Variants in APOBEC1 observed in about 807,000 individuals in gnomAD.
APOBEC1 encodes the protein C->U-editing enzyme APOBEC-1.
In APOBEC1, 22 loss-of-function variants were observed where a neutral mutation model predicts 26.3. The ratio of observed to expected loss-of-function variants is 0.84; its 90% confidence interval spans 0.60 to 1.19. The LOEUF (loss-of-function observed/expected upper bound fraction) is 1.19. Ranked by LOEUF, APOBEC1 falls within the 50% of genes most tolerant of loss-of-function variation. APOBEC1 has a pLI of 0.00. For missense variants in APOBEC1, 253 were observed against 289.0 expected (o/e 0.88, Z 0.90); for synonymous variants, 77 against 95.3 (o/e 0.81, Z 1.12).
At chr12:7,667,832 G>A (rs775786576), upstream of APOBEC1, among the ~76,000 whole-genome samples, 7 of 149,684 alleles carry the variant, frequency 4.7e-5, no homozygotes, top group South Asian at 6.3e-4. Flanking sequence ...AGAATTGCTC[G>A]AACCCAGGAG....
chr12:7,659,074 C>G lies in APOBEC1; in HGVS notation c.17-4442G>C, dbSNP rs189904904. 8.4e-3 allele frequency among the ~76,000 whole-genome samples: 1,261 copies of G among 150,014 alleles called. 18 individuals carry two copies. Among genetic ancestry groups the G allele is most frequent in the African/African-American group, 0.029 (1,172 of 41,018 alleles). On this transcript the variant is annotated intron_variant, in intron 1 of 4. Coordinates refer to ENST00000229304, the MANE Select transcript of APOBEC1 (RefSeq NM_001644.5). The stretch of plus-strand genomic sequence containing the variant: ...CTTTGGGAGGCTGAGGCAGGCAGAT[C>G]ACCTGAGGTCAGGTGTTCGAGACCA...
chr12:7,657,044 G>A (rs1863724350), intron 1 of APOBEC1, among the ~76,000 whole-genome samples: 1 of 3,698 alleles, frequency 2.7e-4, no homozygotes, highest in African/African-American at 3.9e-4. Context: ...TTGTATATAC[G>A]TGTGTGTGTG....
chr12:7,650,921 A>T, intron 4 of APOBEC1, 102 bp downstream of exon 4: 1 of 824,138 alleles, frequency 1.2e-6, no homozygotes. Flanking sequence ...AAATCTCAAT[A>T]TAAATGTCAA....
rs1157475368 is a variant in APOBEC1 at position 7,651,008 on chromosome 12, C to T, written c.561+15G>A. On this transcript the variant is annotated intron_variant, in intron 4 of 4. Coordinates refer to ENST00000229304, the MANE Select transcript of APOBEC1 (RefSeq NM_001644.5). ...TTCTTTTTGCATCAACATTTGTGTCCCTAAAGTGACTTACTAGAATTATGC... is the reference window on the plus strand; with the variant it reads ...TTCTTTTTGCATCAACATTTGTGTCTCTAAAGTGACTTACTAGAATTATGC... 2 of 1,568,162 alleles carry T rather than the reference C, an allele frequency of 1.3e-6. No homozygotes were observed. Among genetic ancestry groups the T allele is most frequent in the Non-Finnish European group, 1.8e-6 (2 of 1,141,920 alleles).
In APOBEC1 at chr12:7,651,116, A is replaced by G; in HGVS notation, c.468T>C (p.Phe156=). ...CTTCATCCCCAGGTGGGTAGTTGAC[A>G]AAATTCCTCCAGCAGTGATAATACT... ...ASEYYHCWRN[F]VNYPPGDEAH... is the part of the protein sequence containing the mutation. The change falls in exon 4 of 5, where the codon TTT becomes TTC. Residue 156 remains phenylalanine, a synonymous_variant. Transcript: ENST00000229304. 6.2e-7 allele frequency: 1 copy of G among 1,613,910 alleles called. No individual in the cohort carries two copies. The highest frequency in any genetic ancestry group is 8.5e-7 in the Non-Finnish European group (1 of 1,179,800).
chr12:7,650,758 A>G (rs1428137563), intron 4 of APOBEC1, among the ~76,000 whole-genome samples: 1 of 152,182 alleles, frequency 6.6e-6, no homozygotes, highest in East Asian at 1.9e-4. Context: ...GGATCTTGTT[A>G]TACCACGCAG....
At chr12:7,668,855 A>G (rs1164607969), upstream of APOBEC1, among the ~76,000 whole-genome samples, 1 of 152,046 alleles carries the variant, frequency 6.6e-6, no homozygotes, top group African/African-American at 2.4e-5. Context: ...CAGCCTTGCA[A>G]GAAGTAGCTG....
chr12:7,650,800 T>C (rs1167888157), intron 4 of APOBEC1, among the ~76,000 whole-genome samples: 1 of 152,202 alleles, frequency 6.6e-6, no homozygotes, highest in Non-Finnish European at 1.5e-5. Flanking sequence ...CATAGCTCAC[T>C]GCAGCTTGCA....
upstream of APOBEC1, among the ~76,000 whole-genome samples, chr12:7,667,241 G>A (rs367920810): frequency 2.0e-3 from 302 of 152,162 alleles, 3 homozygotes; most frequent in African/African-American, 6.3e-3. Context: ...CCTTGAAAAA[G>A]TAAATGCCAT....
At chr12:7,667,601 G>C (rs138477226), upstream of APOBEC1, among the ~76,000 whole-genome samples, 1,413 of 152,166 alleles carry the variant, frequency 9.3e-3, 6 homozygotes, top group Non-Finnish European at 0.015. Flanking sequence ...AGTTAGGTAA[G>C]AGTAGAATCA....
chr12:7,661,570 G>T (rs139971087), intron 1 of APOBEC1, among the ~76,000 whole-genome samples: 3 of 152,096 alleles, frequency 2.0e-5, no homozygotes, highest in African/African-American at 7.2e-5. Flanking sequence ...ACCACAACTC[G>T]AGAGGAAGGA....
At chr12:7,661,800 A>G (rs776817048) in intron 1 of APOBEC1, among the ~76,000 whole-genome samples, 3 of 152,282 alleles carry the variant, frequency 2.0e-5, no homozygotes, top group East Asian at 1.9e-4. Context: ...AAAAGCAACA[A>G]TTGCTGCTCT....
chr12:7,653,301 TCAA>T (rs1229761804), intron 2 of APOBEC1, among the ~76,000 whole-genome samples: 3 of 152,154 alleles, frequency 2.0e-5, no homozygotes, highest in African/African-American at 7.2e-5. Context: ...AGTATATGTC[TCAA>T]AGTTATCTGA....
At chr12:7,663,094 G>A (rs1863843061) in intron 1 of APOBEC1, among the ~76,000 whole-genome samples, 1 of 152,132 alleles carries the variant, frequency 6.6e-6, no homozygotes, top group Admixed American at 6.6e-5. Context: ...GGGAGATGCA[G>A]GCAAGAAATT....
intron 4 of APOBEC1, among the ~76,000 whole-genome samples, chr12:7,650,085 A>G (rs1204488440): frequency 4.3e-4 from 65 of 152,100 alleles, no homozygotes; most frequent in Admixed American, 4.2e-3. Context: ...CCAAAGTGCT[A>G]GGATTACAAG....
intron 1 of APOBEC1, among the ~76,000 whole-genome samples, chr12:7,659,837 C>G (rs1028974594): frequency 6.6e-6 from 1 of 152,022 alleles, no homozygotes; most frequent in African/African-American, 2.4e-5. Context: ...GGCGTGGTGG[C>G]GGGCGCCTGT....
At chr12:7,656,141 T>A (rs1592059161) in intron 1 of APOBEC1, among the ~76,000 whole-genome samples, 4 of 147,156 alleles carry the variant, frequency 2.7e-5, no homozygotes, top group African/African-American at 9.9e-5. Context: ...CTAGGCCAAA[T>A]TTTTTTTTTT....
chr12:7,653,976 C>T (rs1358454791), intron 2 of APOBEC1, among the ~76,000 whole-genome samples: 1 of 152,128 alleles, frequency 6.6e-6, no homozygotes, highest in Non-Finnish European at 1.5e-5. Context: ...CTAATAGTTC[C>T]CACTCATCCC....
At chr12:7,650,276 G>A (rs1463675278) in intron 4 of APOBEC1, among the ~76,000 whole-genome samples, 1 of 152,066 alleles carries the variant, frequency 6.6e-6, no homozygotes, top group Non-Finnish European at 1.5e-5. Context: ...GATGACACAC[G>A]CCTGTAGTTC....
Sources: allele counts gnomAD v4.1 joint callset (sites outside exome capture counted in the v4.1 genomes callset), GRCh38; gene constraint gnomAD v4.1.1; transcripts MANE v1.5; gene names NCBI Gene and HGNC (gene_info 2026-07-23, HGNC 2026-07-21).